The following KCTD15 variants were observed in gnomAD, a reference collection of about 807,000 sequenced individuals.
The protein encoded by KCTD15 is BTB/POZ domain-containing protein KCTD15.
KCTD15 carries 11 observed loss-of-function variants against 27.2 expected under a neutral mutation model. The ratio of observed to expected loss-of-function variants is 0.41; its 90% confidence interval spans 0.25 to 0.67. The LOEUF (loss-of-function observed/expected upper bound fraction) is 0.67. Ranked by LOEUF, KCTD15 falls within the 30% of genes least tolerant of loss-of-function variation. The probability of loss-of-function intolerance (pLI) is 0.35; values close to 1 mark genes in which losing one functional copy is unlikely to be tolerated. For synonymous variants in KCTD15, 163 were observed against 176.0 expected (o/e 0.93, Z 0.58); for missense variants, 350 against 409.3 (o/e 0.86, Z 1.25).
upstream of KCTD15, among the ~76,000 whole-genome samples, chr19:33,795,103 G>A (rs1262248227): frequency 6.6e-6 from 1 of 152,224 alleles, no homozygotes; most frequent in African/African-American, 2.4e-5. Flanking sequence ...AACTGATGGG[G>A]CCTGCGGCAT....
chr19:33,797,320 A>C (rs1975367504), intron 1 of KCTD15: 2 of 411,200 alleles, frequency 4.9e-6, no homozygotes, highest in Admixed American at 2.9e-5. Flanking sequence ...AGGTCCCCGC[A>C]CTCTGGCCCC....
chr19:33,799,904 C>G (rs910984656), intron 2 of KCTD15, among the ~76,000 whole-genome samples: 4 of 152,254 alleles, frequency 2.6e-5, no homozygotes, highest in Middle Eastern at 3.4e-3. Flanking sequence ...TTCTGCTGAA[C>G]GGCTTCCCTG....
In KCTD15 at chr19:33,798,784, C is replaced by T. The variant is rs1256233210; in HGVS notation, c.-28+18C>T. The T allele has an allele frequency of 6.6e-6, 1 of 152,636 alleles. No homozygotes were observed. The highest frequency in any genetic ancestry group is 1.5e-5 in the Non-Finnish European group (1 of 68,068). The allele number at this position is 152,636 out of a possible 1,614,324, so 9.5% of individuals were successfully genotyped here. On this transcript the variant is annotated intron_variant, in intron 2 of 6. Transcript: ENST00000683859. ...TTCCAACGGTAAGTTTCTGGCTTGC[C>T]ATGAACATCAGGTTGTTCTTGGGAG...
chr19:33,806,794 C>T (rs1455510600), intron 4 of KCTD15, 69 bp from the exon 5 acceptor site: 110 of 1,555,516 alleles, frequency 7.1e-5, no homozygotes, highest in Non-Finnish European at 9.3e-5. Context: ...GGAGTGGGGG[C>T]GGGGTGTGGG....
rs1185116340 is a variant in KCTD15, at chr19:33,815,652, C to T, written c.*2704C>T. ...CGTCCCGCTCACAGGGGCCCAATGCCAGGTCACAACACTAAGAATATCTTT... is the reference window on the plus strand; with the variant it reads ...CGTCCCGCTCACAGGGGCCCAATGCTAGGTCACAACACTAAGAATATCTTT... On this transcript the variant is annotated 3_prime_UTR_variant, in exon 7 of 7. Transcript: ENST00000683859. 1 of 151,340 alleles carries T rather than the reference C, an allele frequency of 6.6e-6. No individual in the cohort carries two copies. The highest frequency in any genetic ancestry group is 1.5e-5 in the Non-Finnish European group (1 of 67,972). The allele number at this position is 151,340 out of a possible 1,614,324, so 9.4% of individuals were successfully genotyped here.
At chr19:33,810,061 T>G (rs1015669788) in intron 5 of KCTD15, among the ~76,000 whole-genome samples, 1 of 152,170 alleles carries the variant, frequency 6.6e-6, no homozygotes, top group African/African-American at 2.4e-5. Flanking sequence ...ACTTAGGGCC[T>G]GTAGGTCAGG....
rs781047295 is a variant in KCTD15, at chr19:33,811,509, T to C, written c.650T>C (p.Ile217Thr). 6.2e-7 allele frequency: 1 copy of C among 1,610,524 alleles called. No homozygotes were observed. The highest frequency in any genetic ancestry group is 8.5e-7 in the Non-Finnish European group (1 of 1,177,958). ...TGGAACCAGGACCCCACGCACGTCA[T>C]CCGCTTCCCGCTCAATGGCTACTGC... is the stretch of plus-strand genomic sequence containing the variant. ...AGWNQDPTHV[I>T]RFPLNGYCRL... is the part of the protein sequence containing the mutation. Residue 217 changes from isoleucine to threonine, a missense_variant, in exon 6 of 7, where the codon ATC becomes ACC. Ile to Thr is a moderately conservative substitution (Grantham distance 89). This residue lies in a region of KCTD15 where 219 missense variants were observed against 234.9 expected (regional missense o/e 0.93). Coordinates refer to ENST00000683859, the MANE Select transcript of KCTD15 (RefSeq NM_001129994.2).
intron 5 of KCTD15, among the ~76,000 whole-genome samples, chr19:33,811,039 C>G (rs919828151): frequency 6.6e-6 from 1 of 152,092 alleles, no homozygotes; most frequent in Non-Finnish European, 1.5e-5. Flanking sequence ...CAGCGGCTGC[C>G]CTTGGGACAA....
chr19:33,795,345 T>A (rs1250191683), upstream of KCTD15, among the ~76,000 whole-genome samples: 1 of 152,032 alleles, frequency 6.6e-6, no homozygotes, highest in African/African-American at 2.4e-5. Context: ...GCGCGCGAGG[T>A]CCTCTAGTAG....
intron 6 of KCTD15, 78 bp from the exon 7 acceptor site, chr19:33,812,712 G>T: frequency 7.2e-7 from 1 of 1,397,330 alleles, no homozygotes; most frequent in Non-Finnish European, 9.3e-7. Context: ...GCCCCAGCAG[G>T]CACCCACCTC....
chr19:33,810,527 A>G (rs1488838335), intron 5 of KCTD15, among the ~76,000 whole-genome samples: 1 of 152,106 alleles, frequency 6.6e-6, no homozygotes. Context: ...TAAAAACATA[A>G]AAGTTAGCCG....
At position 33,814,286 on chromosome 19, in the gene KCTD15, C is replaced by T. The variant is rs139059131; in HGVS notation, c.*1338C>T. ...TGTGCAGAAGCAGCAGCCAGACTCC[C>T]GCATTCGATGTTGTGCAGGGAGGTT... is the stretch of plus-strand genomic sequence containing the variant. On this transcript the variant is annotated 3_prime_UTR_variant, in exon 7 of 7. Coordinates refer to ENST00000683859, the MANE Select transcript of KCTD15 (RefSeq NM_001129994.2). 3.9e-5 allele frequency: 6 copies of T among 152,668 alleles called. No individual in the cohort carries two copies. The highest frequency in any genetic ancestry group is 9.6e-5 in the African/African-American group (4 of 41,544). The allele number at this position is 152,668 out of a possible 1,614,324, so 9.5% of individuals were successfully genotyped here.
Position 33,811,449 on chromosome 19 carries a change from C to G in KCTD15, c.590C>G (p.Thr197Ser). Residue 197 changes from threonine to serine, a missense_variant, in exon 6 of 7, where the codon ACC (threonine) becomes AGC (serine). Thr to Ser is a moderately conservative substitution (Grantham distance 58). Transcript: ENST00000683859. ...KALIEEVFPE[T>S]GDVMCNSVNA... ...CTCATCGAGGAGGTCTTCCCCGAGA[C>G]CGGAGACGTCATGTGCAACTCCGTC... 6.2e-7 allele frequency: 1 copy of G among 1,612,936 alleles called. No homozygotes were observed. The highest frequency in any genetic ancestry group is 8.5e-7 in the Non-Finnish European group (1 of 1,179,854).
At chr19:33,794,421 A>T (rs1975262403), upstream of KCTD15, among the ~76,000 whole-genome samples, 1 of 152,254 alleles carries the variant, frequency 6.6e-6, no homozygotes, top group South Asian at 2.1e-4. Flanking sequence ...TTTCGCTTAT[A>T]CCAATCTTTC....
chr19:33,810,952 C>T (rs1568382628), intron 5 of KCTD15, among the ~76,000 whole-genome samples: 3 of 152,178 alleles, frequency 2.0e-5, no homozygotes, highest in Admixed American at 6.5e-5. Context: ...GCTTCCAGGT[C>T]TTTCCATGGG....
Position 33,814,725 on chromosome 19 carries a change from T to C in KCTD15, c.*1777T>C, listed in dbSNP as rs1976042321. The C allele has an allele frequency of 6.6e-6, 1 of 152,244 alleles. No homozygotes were observed. The highest frequency in any genetic ancestry group is 2.1e-4 in the South Asian group (1 of 4,830). The allele number at this position is 152,244 out of a possible 1,614,324, so 9.4% of individuals were successfully genotyped here. On this transcript the variant is annotated 3_prime_UTR_variant, in exon 7 of 7. Transcript: ENST00000683859. ...AGAACGAGATCTCAGTATGCCTCCA[T>C]GTAAACAGATTCACATAGGCCTCCA...
intron 1 of KCTD15, chr19:33,797,303 CTTGTGG>C (rs1975366593): frequency 2.8e-6 from 1 of 356,780 alleles, no homozygotes. Flanking sequence ...CGCGCGCGCG[CTTGTGG>C]AGGTCCCCGC....
upstream of KCTD15, among the ~76,000 whole-genome samples, chr19:33,794,598 T>C (rs1179067928): frequency 6.6e-6 from 1 of 152,140 alleles, no homozygotes; most frequent in Non-Finnish European, 1.5e-5. Flanking sequence ...ACAAGCCTGC[T>C]CCACCTTCCC....
chr19:33,794,853 C>G (rs779720366), upstream of KCTD15, among the ~76,000 whole-genome samples: 1 of 152,244 alleles, frequency 6.6e-6, no homozygotes, highest in Non-Finnish European at 1.5e-5. Flanking sequence ...CAGTCGGCCA[C>G]AAAGCTGGGC....
Sources: allele counts gnomAD v4.1 joint callset (sites outside exome capture counted in the v4.1 genomes callset), GRCh38; gene constraint gnomAD v4.1.1; regional missense constraint gnomAD v4.1.1; transcripts MANE v1.5; gene names NCBI Gene and HGNC (gene_info 2026-07-23, HGNC 2026-07-21).